The following LPP variants were observed in gnomAD, a reference collection of about 807,000 sequenced individuals.
LPP encodes LIM domain containing preferred translocation partner in lipoma.
A neutral mutation model predicts 60.4 loss-of-function variants in LPP; 38 were observed. The ratio of observed to expected loss-of-function variants is 0.63; its 90% CI spans 0.49 to 0.83. The LOEUF (loss-of-function observed/expected upper bound fraction) is 0.83, where lower values mean the gene tolerates loss of function less well. LPP is among the 40% of genes least tolerant of loss of function. The pLI is 0.00. For missense variants in LPP, 902 were observed against 783.6 expected (o/e 1.15, Z -1.80); for synonymous variants, 328 against 290.8 (o/e 1.13, Z -1.30).
At chr3:188,241,781 A>C (rs568154226) in intron 2 of LPP, among the ~76,000 whole-genome samples, 1 of 152,352 alleles carries the variant, frequency 6.6e-6, no homozygotes, top group African/African-American at 2.4e-5. Context: ...ATAGAATTGA[A>C]AATTTAACTT....
intron 2 of LPP, among the ~76,000 whole-genome samples, chr3:188,326,816 C>T (rs934056550): frequency 2.1e-4 from 32 of 151,884 alleles, no homozygotes; most frequent in African/African-American, 7.3e-4. Flanking sequence ...CCCCTGTTTC[C>T]TGCTTGTATT....
intron 2 of LPP, among the ~76,000 whole-genome samples, chr3:188,337,338 C>G (rs184819830): frequency 6.6e-6 from 1 of 152,322 alleles, no homozygotes; most frequent in African/African-American, 2.4e-5. Context: ...GGAAGCACGG[C>G]TATGTGGACT....
intron 7 of LPP, among the ~76,000 whole-genome samples, chr3:188,699,663 A>G (rs1483856818): frequency 1.3e-5 from 2 of 152,210 alleles, no homozygotes; most frequent in Non-Finnish European, 2.9e-5. Context: ...AACCAAGAGC[A>G]TGCTTTTCTA....
rs192398765 is a variant in LPP at position 188,488,611 on chromosome 3, C to G, written c.306+3907C>G. ...AATGCTCTGAGTCTCAGCCTTGGGA[C>G]GGTCAGTTAGTTTTATTTATTTATT... is the stretch of plus-strand genomic sequence containing the variant. On this transcript the variant is annotated intron_variant, in intron 5 of 11. Coordinates refer to ENST00000617246, the MANE Select transcript of LPP (RefSeq NM_001375462.1). Among the ~76,000 whole-genome samples the G allele has an allele frequency of 1.9e-3, 274 of 147,840 alleles. 3 individuals are homozygous for G. The highest frequency in any genetic ancestry group is 6.6e-3 in the African/African-American group (267 of 40,382).
intron 7 of LPP, among the ~76,000 whole-genome samples, chr3:188,671,523 A>G (rs1856957067): frequency 6.6e-6 from 1 of 152,160 alleles, no homozygotes; most frequent in South Asian, 2.1e-4. Flanking sequence ...CCCTTACTAC[A>G]TCAATAGGAA....
intron 7 of LPP, among the ~76,000 whole-genome samples, chr3:188,636,679 C>G (rs1473547893): frequency 1.3e-5 from 2 of 152,032 alleles, no homozygotes; most frequent in African/African-American, 2.4e-5. Flanking sequence ...TTGAAGAGAG[C>G]AGTGGTTCTC....
chr3:188,223,342 A>G (rs1419931138), intron 1 of LPP, among the ~76,000 whole-genome samples: 1 of 152,218 alleles, frequency 6.6e-6, no homozygotes, highest in Non-Finnish European at 1.5e-5. Context: ...TGGATGTTAA[A>G]AAATAGAAAA....
chr3:188,743,799 T>C (rs1725239028), intron 8 of LPP: 4 of 152,178 alleles, frequency 2.6e-5, no homozygotes, highest in African/African-American at 9.6e-5. Context: ...AATCACAAGA[T>C]AGGCAATGAA....
At chr3:188,181,208 C>A (rs1269079479) in intron 1 of LPP, among the ~76,000 whole-genome samples, 1 of 151,996 alleles carries the variant, frequency 6.6e-6, no homozygotes, top group African/African-American at 2.4e-5. Flanking sequence ...CAAAAACTAG[C>A]TGGACTTGGT....
At chr3:188,440,809 A>G (rs1030751337) in intron 4 of LPP, among the ~76,000 whole-genome samples, 2 of 152,132 alleles carry the variant, frequency 1.3e-5, no homozygotes, top group African/African-American at 4.8e-5. Context: ...ACCTTTACAT[A>G]TCTTTACCTC....
intron 6 of LPP, among the ~76,000 whole-genome samples, chr3:188,550,765 A>G (rs1827917001): frequency 6.6e-6 from 1 of 152,072 alleles, no homozygotes; most frequent in Non-Finnish European, 1.5e-5. Flanking sequence ...GATACGACAC[A>G]TAGATTATGG....
At chr3:188,560,355 G>T (rs1292613782) in intron 6 of LPP, among the ~76,000 whole-genome samples, 1 of 152,134 alleles carries the variant, frequency 6.6e-6, no homozygotes, top group Non-Finnish European at 1.5e-5. Context: ...ATGCAATTCA[G>T]TGAGGTCTCA....
intron 2 of LPP, among the ~76,000 whole-genome samples, chr3:188,316,208 G>A (rs1356330959): frequency 6.6e-6 from 1 of 152,196 alleles, no homozygotes; most frequent in African/African-American, 2.4e-5. Context: ...AACTCAGGAG[G>A]CGGAGGTTGC....
chr3:188,180,651 G>A lies in LPP; in HGVS notation c.-190+26399G>A, dbSNP rs559910484. 32 of 154,098 alleles carry A rather than the reference G, an allele frequency of 2.1e-4. No homozygotes were observed. The South Asian group carries it at 4.9e-3, about 24-fold the overall frequency. 9.5% of individuals were successfully genotyped at this position (154,098 alleles called of 1,614,324 possible). A position where few individuals can be genotyped will look rare whatever the true frequency, so the allele number is the denominator to read the frequency against. On this transcript the variant is annotated intron_variant, in intron 1 of 11. Transcript: ENST00000617246. ...AAATCACTATTTAGACACAAGCATT[G>A]TTTACGTTTCTAATATTCTTTCTTT...
At chr3:188,335,552 A>C (rs1761408707) in intron 2 of LPP, among the ~76,000 whole-genome samples, 1 of 152,090 alleles carries the variant, frequency 6.6e-6, no homozygotes, top group Non-Finnish European at 1.5e-5. Flanking sequence ...CATTCATGAA[A>C]TTCTTTATTT....
In LPP at chr3:188,591,367, C is replaced by T. The variant is rs532600330; in HGVS notation, c.430-17794C>T. 3.9e-5 allele frequency among the ~76,000 whole-genome samples: 6 copies of T among 152,312 alleles called. No homozygotes were observed. In the South Asian group the frequency reaches 1.0e-3, roughly 26 times the overall value. ...TTTATCTGCCTTTGTTCTGAAGCCC[C>T]AGTCTAGTACCTTTCTTAATGCAGA... On this transcript the variant is annotated intron_variant, in intron 6 of 11. Transcript: ENST00000617246.
intron 6 of LPP, among the ~76,000 whole-genome samples, chr3:188,593,992 G>A (rs1184670284): frequency 6.6e-6 from 1 of 152,124 alleles, no homozygotes; most frequent in African/African-American, 2.4e-5. Context: ...ATGGTAAGTA[G>A]AGCTCTATGA....
chr3:188,252,366 C>T (rs59363696), intron 2 of LPP, among the ~76,000 whole-genome samples: 9,612 of 39,194 alleles, frequency 0.25, 600 homozygotes, highest in African/African-American at 0.4. Context: ...GTTTTTTTTT[C>T]CTCTCTCTCT....
intron 6 of LPP, among the ~76,000 whole-genome samples, chr3:188,545,698 T>C (rs2150438968): frequency 6.6e-6 from 1 of 152,234 alleles, no homozygotes. Context: ...TACAGGCTCC[T>C]AGGGCTTTCT....
Sources: allele counts gnomAD v4.1 joint callset (sites outside exome capture counted in the v4.1 genomes callset), GRCh38; gene constraint gnomAD v4.1.1; transcripts MANE v1.5; gene names NCBI Gene and HGNC (gene_info 2026-07-23, HGNC 2026-07-21).